MTMR7: variants seen among roughly 807,000 people sequenced by gnomAD.
The protein encoded by MTMR7 is phosphatidylinositol-3-phosphate phosphatase MTMR7.
A neutral mutation model predicts 81.2 loss-of-function variants in MTMR7; 76 were observed. The ratio of observed to expected loss-of-function variants is 0.94; its 90% CI spans 0.78 to 1.13. MTMR7 has a LOEUF of 1.13. Among genes scored for constraint, MTMR7 ranks in the 50% most tolerant of loss-of-function variants. The pLI, the probability that MTMR7 is intolerant of heterozygous loss-of-function variation, is 0.00. For missense variants in MTMR7, 1,044 were observed against 820.0 expected, an observed-to-expected ratio of 1.27 and a Z score of -3.34; for synonymous variants, 372 against 289.8, an observed-to-expected ratio of 1.28 and a Z score of -2.88.
At chr8:17,377,978 A>G (rs1211557185) in intron 1 of MTMR7, among the ~76,000 whole-genome samples, 1 of 152,200 alleles carries the variant, frequency 6.6e-6, no homozygotes, top group African/African-American at 2.4e-5. Flanking sequence ...AGGCAAAAAT[A>G]TTTGATATGG....
chr8:17,362,001 C>T (rs1406603884), intron 3 of MTMR7, among the ~76,000 whole-genome samples: 1 of 152,168 alleles, frequency 6.6e-6, no homozygotes, highest in Non-Finnish European at 1.5e-5. Context: ...CCAATAGCCC[C>T]ACTGTTTCCC....
At chr8:17,369,641 CTTTT>C (rs71212689) in intron 3 of MTMR7, among the ~76,000 whole-genome samples, 1 of 106,248 alleles carries the variant, frequency 9.4e-6, no homozygotes, top group African/African-American at 3.4e-5. Flanking sequence ...TTCTTTTTTT[CTTTT>C]TTTTTTTTTT....
At chr8:17,339,842 G>A (rs1819354393) in intron 6 of MTMR7, among the ~76,000 whole-genome samples, 1 of 152,078 alleles carries the variant, frequency 6.6e-6, no homozygotes, top group East Asian at 1.9e-4. Flanking sequence ...CTTTTCTATA[G>A]TGAAAAAAAA....
At chr8:17,405,133 T>C (rs1316056947) in intron 1 of MTMR7, among the ~76,000 whole-genome samples, 6 of 152,228 alleles carry the variant, frequency 3.9e-5, no homozygotes, top group Non-Finnish European at 8.8e-5. Flanking sequence ...ATTACAGGCG[T>C]GAGCCACTGC....
rs527918462 is a variant in MTMR7, at chr8:17,371,073, C to A, written c.274G>T (p.Asp92Tyr). The change falls in exon 3 of 14, where the codon GAC becomes TAC. Residue 92 changes from aspartate to tyrosine, a missense_variant. By Grantham distance (160) the Asp-to-Tyr change is radical. Coordinates refer to ENST00000180173, the MANE Select transcript of MTMR7 (RefSeq NM_004686.5). ...AGGCGTATCAGGGAGATGTACACGT[C>A]GTGGCAATCTCTTTCCTGAGGTATG... ...LIIPQERDCH[D>Y]VYISLIRLAR... The A allele has an allele frequency of 7.4e-6, 12 of 1,613,944 alleles. No homozygotes were observed. Among genetic ancestry groups the A allele is most frequent in the South Asian group, 2.2e-5 (2 of 91,052 alleles).
At chr8:17,406,808 C>G (rs79354931) in intron 1 of MTMR7, among the ~76,000 whole-genome samples, 6,568 of 152,202 alleles carry the variant, frequency 0.043, 421 homozygotes, top group East Asian at 0.13. Flanking sequence ...AGTACTGATA[C>G]ATGCTACAAC....
Position 17,413,310 on chromosome 8 carries a change from A to C in MTMR7, c.-18T>G. Reference sequence around the variant, plus strand: ...TGCTCCATGGCTGGCCCACGTCTGCAGGGTCCCGGGCGGGCGCGGCCTCAC... The same window carrying C: ...TGCTCCATGGCTGGCCCACGTCTGCCGGGTCCCGGGCGGGCGCGGCCTCAC... On this transcript the variant is annotated 5_prime_UTR_variant, in exon 1 of 14. Transcript: ENST00000180173. The C allele has an allele frequency of 6.5e-7, 1 of 1,539,968 alleles. No homozygotes were observed. The highest frequency in any genetic ancestry group is 8.8e-7 in the Non-Finnish European group (1 of 1,141,298).
chr8:17,406,591 A>G (rs970504086), intron 1 of MTMR7, among the ~76,000 whole-genome samples: 1 of 152,048 alleles, frequency 6.6e-6, no homozygotes, highest in African/African-American at 2.4e-5. Flanking sequence ...CCTTAAAATG[A>G]TAACCACAAA....
chr8:17,319,992 A>C (rs1206352382), intron 7 of MTMR7, among the ~76,000 whole-genome samples: 1 of 152,204 alleles, frequency 6.6e-6, no homozygotes, highest in Non-Finnish European at 1.5e-5. Flanking sequence ...GTAAGTGTAA[A>C]ATATGAATCA....
chr8:17,358,448 T>C (rs1427490607), intron 4 of MTMR7, among the ~76,000 whole-genome samples: 1 of 152,120 alleles, frequency 6.6e-6, no homozygotes, highest in East Asian at 1.9e-4. Flanking sequence ...ATCACAATCA[T>C]AACAGGAATA....
chr8:17,406,253 G>C (rs180781255), intron 1 of MTMR7, among the ~76,000 whole-genome samples: 6 of 152,216 alleles, frequency 3.9e-5, no homozygotes, highest in Non-Finnish European at 7.4e-5. Flanking sequence ...TCATATAACT[G>C]ACTAAGGATT....
chr8:17,350,270 C>T (rs530189820), intron 4 of MTMR7, among the ~76,000 whole-genome samples: 7 of 152,184 alleles, frequency 4.6e-5, no homozygotes, highest in South Asian at 2.1e-4. Context: ...CATTTTCATA[C>T]GGTTATAAAG....
chr8:17,300,483 C>G (rs954326476), intron 13 of MTMR7, among the ~76,000 whole-genome samples: 1 of 152,146 alleles, frequency 6.6e-6, no homozygotes, highest in African/African-American at 2.4e-5. Context: ...TTGAAGCACC[C>G]AGTGAACCCT....
chr8:17,385,661 T>A, intron 1 of MTMR7, among the ~76,000 whole-genome samples: 1 of 152,174 alleles, frequency 6.6e-6, no homozygotes, highest in Non-Finnish European at 1.5e-5. Context: ...TATAGTACTG[T>A]CCTCACGATG....
chr8:17,336,709 C>T lies in MTMR7; in HGVS notation c.732+4654G>A, dbSNP rs58641153. ...AAAGGCCAGGCGTCACGGAGGCAAG[C>T]GCTGCCTCGCCCTCGGCCCTTCTCT... On this transcript the variant is annotated intron_variant, in intron 6 of 13. Transcript: ENST00000180173. 1.1e-3 allele frequency among the ~76,000 whole-genome samples: 169 copies of T among 152,314 alleles called. 1 individual carries two copies. Among genetic ancestry groups the T allele is most frequent in the African/African-American group, 3.9e-3 (164 of 41,562 alleles).
At chr8:17,306,389 T>TG (rs1817457091) in intron 10 of MTMR7, among the ~76,000 whole-genome samples, 2 of 150,708 alleles carry the variant, frequency 1.3e-5, no homozygotes, top group African/African-American at 2.4e-5. Context: ...AAAGACAACT[T>TG]GAAAAAAAAA....
chr8:17,386,677 C>G (rs1021253418), intron 1 of MTMR7, among the ~76,000 whole-genome samples: 1 of 152,154 alleles, frequency 6.6e-6, no homozygotes, highest in Admixed American at 6.5e-5. Context: ...CCATCTCCTG[C>G]CACATCCATG....
At chr8:17,379,274 C>G (rs1364478286) in intron 1 of MTMR7, among the ~76,000 whole-genome samples, 1 of 152,134 alleles carries the variant, frequency 6.6e-6, no homozygotes, top group Admixed American at 6.5e-5. Context: ...CTCCCAGGCA[C>G]TGAGAAAGTA....
At chr8:17,331,381 A>C in intron 6 of MTMR7, 99 bp from the exon 7 acceptor site, 1 of 1,292,046 alleles carries the variant, frequency 7.7e-7, no homozygotes, top group Non-Finnish European at 1.0e-6. Flanking sequence ...AAGCATTCAG[A>C]ATGATGTACG....
Sources: gnomAD v4.1 joint callset for allele counts (sites outside exome capture counted in the v4.1 genomes callset) on GRCh38, gnomAD v4.1.1 for gene constraint, MANE v1.5 for transcripts, NCBI Gene and HGNC (gene_info 2026-07-23, HGNC 2026-07-21) for gene names.